ASIC2: variants seen among roughly 807,000 people sequenced by gnomAD.
The protein encoded by ASIC2 is acid sensing ion channel subunit 2.
Under a neutral mutation model 57.3 loss-of-function variants are expected in ASIC2, and 25 were observed. The ratio of observed to expected loss-of-function variants is 0.44; its 90% confidence interval spans 0.32 to 0.61. The LOEUF (loss-of-function observed/expected upper bound fraction) is 0.61, where lower values mean the gene tolerates loss of function less well. Among genes scored for constraint, ASIC2 ranks in the 20% least tolerant of loss-of-function variants. The pLI is 0.06. For missense variants in ASIC2, 641 were observed against 738.1 expected (o/e 0.87, Z 1.52); for synonymous variants, 319 against 307.5 (o/e 1.04, Z -0.39).
chr17:33,635,034 T>C (rs1906310566), intron 1 of ASIC2: 1 of 152,176 alleles, frequency 6.6e-6, no homozygotes, highest in Non-Finnish European at 1.5e-5. Context: ...ATTAGAAATT[T>C]TACAAGCATA....
chr17:33,670,517 G>C (rs999773847), intron 1 of ASIC2, among the ~76,000 whole-genome samples: 2 of 152,190 alleles, frequency 1.3e-5, no homozygotes, highest in East Asian at 1.9e-4. Flanking sequence ...GGTGACGAAG[G>C]CTTCCTGGAA....
intron 1 of ASIC2, among the ~76,000 whole-genome samples, chr17:33,506,857 A>G (rs1007197995): frequency 9.9e-5 from 15 of 152,224 alleles, no homozygotes; most frequent in African/African-American, 4.8e-5. Context: ...AATAGCATGC[A>G]CTTGGTTATC....
rs1478345315 is a variant in ASIC2 at position 33,992,059 on chromosome 17, G to A, written c.555+163919C>T. Among the ~76,000 whole-genome samples the A allele has an allele frequency of 3.3e-5, 5 of 152,168 alleles. No individual in the cohort carries two copies. In the East Asian group the frequency reaches 5.8e-4, roughly 18 times the overall value. On this transcript the variant is annotated intron_variant, in intron 1 of 9. Transcript: ENST00000359872. ...TTCTCATGCCAGCTTCAAGCAGCCA[G>A]CCCAAGCCACTTGGTGTCTCTGAGC... is the stretch of plus-strand genomic sequence containing the variant.
chr17:33,084,538 G>A (rs1037018039), intron 3 of ASIC2, among the ~76,000 whole-genome samples: 12 of 152,216 alleles, frequency 7.9e-5, no homozygotes, highest in East Asian at 5.8e-4. Context: ...CCCTAGCTAC[G>A]CAACCTTGAA....
At chr17:33,875,965 C>T (rs1170408976) in intron 1 of ASIC2, among the ~76,000 whole-genome samples, 2 of 152,004 alleles carry the variant, frequency 1.3e-5, no homozygotes, top group African/African-American at 4.8e-5. Context: ...AAAAGATTCT[C>T]AATTGTGCTA....
intron 1 of ASIC2, among the ~76,000 whole-genome samples, chr17:33,236,683 A>T (rs319765): frequency 5.9e-5 from 9 of 152,002 alleles, no homozygotes; most frequent in East Asian, 1.9e-4. Flanking sequence ...GAGGATTTTG[A>T]GACAAAATCA....
chr17:33,981,899 G>C (rs1230224714), intron 1 of ASIC2, among the ~76,000 whole-genome samples: 1 of 152,214 alleles, frequency 6.6e-6, no homozygotes, highest in Non-Finnish European at 1.5e-5. Context: ...GAAGTGGCTT[G>C]ATACAAACTC....
intron 1 of ASIC2, among the ~76,000 whole-genome samples, chr17:33,911,323 C>T (rs1022926484): frequency 6.6e-6 from 1 of 152,190 alleles, no homozygotes; most frequent in African/African-American, 2.4e-5. Flanking sequence ...GGACACCTGG[C>T]TCCATCATGT....
chr17:33,829,579 CTTTTT>C (rs34205959), intron 1 of ASIC2, among the ~76,000 whole-genome samples: 2 of 138,924 alleles, frequency 1.4e-5, no homozygotes, highest in African/African-American at 5.3e-5. Context: ...TTAAACTTTT[CTTTTT>C]TTTTTTTTTT....
intron 1 of ASIC2, among the ~76,000 whole-genome samples, chr17:34,108,860 T>C (rs1004245280): frequency 3.3e-5 from 5 of 152,156 alleles, no homozygotes; most frequent in Admixed American, 2.0e-4. Context: ...TTGACCCTTA[T>C]ATGTTAAAAT....
At chr17:33,180,510 G>A (rs944573927) in intron 1 of ASIC2, among the ~76,000 whole-genome samples, 3 of 152,078 alleles carry the variant, frequency 2.0e-5, no homozygotes, top group African/African-American at 7.2e-5. Context: ...TGGTGAGGTG[G>A]GTGGAGGGAA....
At chr17:33,942,716 G>A (rs1916219247) in intron 1 of ASIC2, among the ~76,000 whole-genome samples, 1 of 152,178 alleles carries the variant, frequency 6.6e-6, no homozygotes, top group Admixed American at 6.5e-5. Flanking sequence ...TTTTGCTAGA[G>A]GAAGATGGTG....
At chr17:33,473,205 G>A (rs1246678526) in intron 1 of ASIC2, among the ~76,000 whole-genome samples, 1 of 152,236 alleles carries the variant, frequency 6.6e-6, no homozygotes, top group Non-Finnish European at 1.5e-5. Flanking sequence ...CTGGCATGGG[G>A]GACTATGGCA....
chr17:33,930,597 A>G (rs1915910638), intron 1 of ASIC2, among the ~76,000 whole-genome samples: 2 of 152,232 alleles, frequency 1.3e-5, no homozygotes, highest in Admixed American at 1.3e-4. Context: ...TTCAAACAAA[A>G]GTATCATTTC....
At chr17:33,700,109 G>A (rs1908651838) in intron 1 of ASIC2, among the ~76,000 whole-genome samples, 1 of 152,092 alleles carries the variant, frequency 6.6e-6, no homozygotes, top group Non-Finnish European at 1.5e-5. Flanking sequence ...TATAGAATAT[G>A]AGTCCTTAAG....
intron 1 of ASIC2, among the ~76,000 whole-genome samples, chr17:33,835,162 G>A (rs902210330): frequency 2.6e-5 from 4 of 152,176 alleles, no homozygotes; most frequent in Non-Finnish European, 5.9e-5. Flanking sequence ...AGTGGTCAAG[G>A]GGGTTGGCTC....
chr17:33,177,665 G>A (rs1597617335), intron 1 of ASIC2, among the ~76,000 whole-genome samples: 1 of 152,178 alleles, frequency 6.6e-6, no homozygotes, highest in Non-Finnish European at 1.5e-5. Context: ...GTCTGCTCAC[G>A]TGCTTATTTC....
At chr17:34,148,682 T>C (rs1385461574) in intron 1 of ASIC2, among the ~76,000 whole-genome samples, 1 of 152,164 alleles carries the variant, frequency 6.6e-6, no homozygotes, top group Non-Finnish European at 1.5e-5. Context: ...GGGTTGGGCC[T>C]GTCAGGATGT....
At chr17:33,019,640 A>G (rs1236512671) in intron 7 of ASIC2, among the ~76,000 whole-genome samples, 2 of 152,044 alleles carry the variant, frequency 1.3e-5, no homozygotes, top group Non-Finnish European at 2.9e-5. Context: ...AGGGTTTGCA[A>G]GCGGCACACG....
Sources: gnomAD v4.1 joint callset for allele counts (sites outside exome capture counted in the v4.1 genomes callset) on GRCh38, gnomAD v4.1.1 for gene constraint, MANE v1.5 for transcripts, NCBI Gene and HGNC (gene_info 2026-07-23, HGNC 2026-07-21) for gene names.